SGCD: variants seen among roughly 807,000 people sequenced by gnomAD.
The protein encoded by SGCD is delta-sarcoglycan.
SGCD carries 18 observed loss-of-function variants against 36.6 expected under a neutral mutation model. The ratio of observed to expected loss-of-function variants is 0.49; its 90% confidence interval spans 0.34 to 0.73. SGCD has a LOEUF of 0.73. Among genes scored for constraint, SGCD ranks in the 30% least tolerant of loss-of-function variants. The pLI is 0.01. For missense variants in SGCD, 387 were observed against 346.7 expected, an observed-to-expected ratio of 1.12 and a Z score of -0.92; for synonymous variants, 133 against 130.6, an observed-to-expected ratio of 1.02 and a Z score of -0.12.
At chr5:155,752,728 G>A in the SGCD span, among the ~76,000 whole-genome samples, 3 of 152,170 alleles carry the variant, frequency 2.0e-5, no homozygotes, top group East Asian at 5.8e-4. Context: ...GGCTAGGTCT[G>A]TATTTCTAAC....
intron 1 of SGCD, among the ~76,000 whole-genome samples, chr5:155,980,429 C>T (rs1758202211): frequency 6.6e-6 from 1 of 151,278 alleles, no homozygotes; most frequent in African/African-American, 2.4e-5. Flanking sequence ...ACTAAAAATA[C>T]AAAACAAATG....
At chr5:156,426,353 A>T (rs1399073372) in intron 3 of SGCD, among the ~76,000 whole-genome samples, 2 of 151,824 alleles carry the variant, frequency 1.3e-5, no homozygotes, top group Non-Finnish European at 2.9e-5. Flanking sequence ...TTTTATGTTC[A>T]TTGGCCATTT....
chr5:155,829,462 G>A, the SGCD span, among the ~76,000 whole-genome samples: 3 of 152,142 alleles, frequency 2.0e-5, no homozygotes, highest in Non-Finnish European at 4.4e-5. Context: ...TCATCTCAAA[G>A]CCTTCACAAG....
intron 1 of SGCD, among the ~76,000 whole-genome samples, chr5:155,937,054 G>A (rs1029277841): frequency 2.0e-5 from 3 of 152,136 alleles, no homozygotes; most frequent in Non-Finnish European, 4.4e-5. Context: ...CCAAGCCTGC[G>A]GGGCCAGGGA....
intron 4 of SGCD, among the ~76,000 whole-genome samples, chr5:156,514,126 A>G (rs554240346): frequency 2.0e-5 from 3 of 152,336 alleles, no homozygotes; most frequent in African/African-American, 7.2e-5. Flanking sequence ...AGAACGAATG[A>G]ATGAGTACTA....
intron 3 of SGCD, among the ~76,000 whole-genome samples, chr5:156,243,147 T>C (rs1198237518): frequency 6.6e-6 from 1 of 152,094 alleles, no homozygotes; most frequent in South Asian, 2.1e-4. Flanking sequence ...ATCTATGTGA[T>C]AAAGTAGCTT....
At chr5:156,673,015 G>T (rs1012441103) in intron 7 of SGCD, among the ~76,000 whole-genome samples, 3 of 151,752 alleles carry the variant, frequency 2.0e-5, no homozygotes, top group East Asian at 3.9e-4. Flanking sequence ...ACACACATAC[G>T]CAGTGCCCTA....
chr5:155,803,795 T>G, the SGCD span, among the ~76,000 whole-genome samples: 1 of 152,136 alleles, frequency 6.6e-6, no homozygotes, highest in East Asian at 1.9e-4. Context: ...GAGGGCAAGT[T>G]TTCGTTCCTT....
rs151085361 is a variant in SGCD at position 156,755,362 on chromosome 5, G to A, written c.576-2219G>A. On this transcript the variant is annotated intron_variant, in intron 7 of 8. Coordinates refer to ENST00000337851, the MANE Select transcript of SGCD (RefSeq NM_000337.6). The stretch of plus-strand genomic sequence containing the variant: ...CTCATCCTACAAGGAGAAAGGTATC[G>A]ACATTAGTGGAAACAGAAGCAGTTA... Among the ~76,000 whole-genome samples, 68 of 152,288 alleles carry A rather than the reference G, an allele frequency of 4.5e-4. 1 individual carries two copies. In the East Asian group the frequency reaches 0.013, roughly 28 times the overall value.
intron 1 of SGCD, among the ~76,000 whole-genome samples, chr5:156,079,305 C>T (rs781429415): frequency 1.4e-4 from 22 of 152,316 alleles, no homozygotes; most frequent in Non-Finnish European, 1.6e-4. Flanking sequence ...CTGATGATCA[C>T]ATTCAACATG....
At chr5:155,937,054 G>T (rs1029277841) in intron 1 of SGCD, among the ~76,000 whole-genome samples, 1 of 152,136 alleles carries the variant, frequency 6.6e-6, no homozygotes, top group Admixed American at 6.5e-5. Flanking sequence ...CCAAGCCTGC[G>T]GGGCCAGGGA....
intron 1 of SGCD, among the ~76,000 whole-genome samples, chr5:156,045,962 A>C (rs1209109837): frequency 2.0e-5 from 3 of 152,030 alleles, no homozygotes; most frequent in Non-Finnish European, 4.4e-5. Context: ...CTCCTCTCCC[A>C]CTTTTATTTA....
chr5:155,829,543 A>C, the SGCD span, among the ~76,000 whole-genome samples: 1 of 152,236 alleles, frequency 6.6e-6, no homozygotes, highest in East Asian at 1.9e-4. Flanking sequence ...GGGAAGAATA[A>C]ATCAGAAGAA....
intron 1 of SGCD, among the ~76,000 whole-genome samples, chr5:156,056,805 G>A (rs1018259180): frequency 6.9e-6 from 1 of 145,892 alleles, no homozygotes; most frequent in African/African-American, 2.5e-5. Flanking sequence ...CAGTAGGCAA[G>A]GAGAATCTGT....
At chr5:155,755,713 A>G in the SGCD span, among the ~76,000 whole-genome samples, 1 of 152,048 alleles carries the variant, frequency 6.6e-6, no homozygotes, top group Non-Finnish European at 1.5e-5. Context: ...CCCTGACAAT[A>G]TTTCTGAGAA....
At chr5:156,349,588 A>G (rs1233379372) in intron 3 of SGCD, among the ~76,000 whole-genome samples, 1 of 152,114 alleles carries the variant, frequency 6.6e-6, no homozygotes, top group African/African-American at 2.4e-5. Context: ...AAAAATTAAA[A>G]AAAATAGATG....
At chr5:155,792,666 A>G in the SGCD span, among the ~76,000 whole-genome samples, 1 of 152,144 alleles carries the variant, frequency 6.6e-6, no homozygotes, top group Non-Finnish European at 1.5e-5. Flanking sequence ...GCTCAACATC[A>G]CTAGTCATCA....
At chr5:156,181,005 G>GA (rs1763592815) in intron 3 of SGCD, among the ~76,000 whole-genome samples, 1 of 152,136 alleles carries the variant, frequency 6.6e-6, no homozygotes, top group Non-Finnish European at 1.5e-5. Flanking sequence ...TAAGACAAAT[G>GA]CATTTCTTTT....
chr5:156,416,827 A>C (rs890321143), intron 3 of SGCD, among the ~76,000 whole-genome samples: 1 of 152,214 alleles, frequency 6.6e-6, no homozygotes, highest in Non-Finnish European at 1.5e-5. Flanking sequence ...ATCTGCACTA[A>C]TTTCATCACA....
Sources: gnomAD v4.1 joint callset for allele counts (sites outside exome capture counted in the v4.1 genomes callset) on GRCh38, gnomAD v4.1.1 for gene constraint, MANE v1.5 for transcripts, NCBI Gene and HGNC (gene_info 2026-07-23, HGNC 2026-07-21) for gene names.